SLCO1A2: variants seen among roughly 807,000 people sequenced by gnomAD.
SLCO1A2 encodes the protein OATP-1.
A neutral mutation model predicts 69.0 loss-of-function variants in SLCO1A2; 67 were observed. The ratio of observed to expected loss-of-function variants is 0.97; its 90% confidence interval spans 0.80 to 1.19. The LOEUF (loss-of-function observed/expected upper bound fraction) is 1.19. SLCO1A2 is among the 50% of genes most tolerant of loss of function. The pLI is 0.00. For missense variants in SLCO1A2, 787 were observed against 793.7 expected (o/e 0.99, Z 0.10); for synonymous variants, 260 against 265.9 (o/e 0.98, Z 0.22).
At chr12:21,315,992 G>A (rs1950816605) in intron 3 of SLCO1A2, among the ~76,000 whole-genome samples, 1 of 152,128 alleles carries the variant, frequency 6.6e-6, no homozygotes, top group Non-Finnish European at 1.5e-5. Context: ...TAAGCTAAGT[G>A]ATATGTTTAT....
chr12:21,371,256 T>G (rs1939768990), intron 2 of SLCO1A2, among the ~76,000 whole-genome samples: 1 of 152,146 alleles, frequency 6.6e-6, no homozygotes, highest in Non-Finnish European at 1.5e-5. Context: ...AAAGCTGCTT[T>G]CCATTGGCCC....
At chr12:21,394,366 TACACAC>T (rs71043268) in intron 1 of SLCO1A2, among the ~76,000 whole-genome samples, 3 of 147,504 alleles carry the variant, frequency 2.0e-5, no homozygotes, top group South Asian at 2.2e-4. Flanking sequence ...ACCACATCTT[TACACAC>T]ACACACACAC....
upstream of SLCO1A2, among the ~76,000 whole-genome samples, chr12:21,418,648 G>T (rs1347018894): frequency 6.6e-6 from 1 of 152,090 alleles, no homozygotes; most frequent in Non-Finnish European, 1.5e-5. Flanking sequence ...CAGTATGATG[G>T]AAACTGCCCC....
upstream of SLCO1A2, among the ~76,000 whole-genome samples, chr12:21,398,136 T>C (rs1941544889): frequency 7.0e-6 from 1 of 142,722 alleles, no homozygotes; most frequent in South Asian, 2.3e-4. Flanking sequence ...GCAAGACTAA[T>C]AAAGAAAAAA....
chr12:21,339,270 T>A (rs557749292), upstream of SLCO1A2, among the ~76,000 whole-genome samples: 1 of 151,884 alleles, frequency 6.6e-6, no homozygotes, highest in Non-Finnish European at 1.5e-5. Flanking sequence ...TTGGGAGAGA[T>A]AGATAGTTAA....
intron 1 of SLCO1A2, chr12:21,378,293 C>T (rs1242505102): frequency 5.6e-6 from 9 of 1,614,158 alleles, no homozygotes; most frequent in Admixed American, 3.3e-5. Flanking sequence ...CAGCGCCTGG[C>T]AAATTTTTTA....
intron 4 of SLCO1A2, 68 bp from the exon 5 acceptor site, chr12:21,307,056 A>G: frequency 9.4e-6 from 10 of 1,067,162 alleles, no homozygotes; most frequent in Non-Finnish European, 1.4e-5. Flanking sequence ...CAATGTGCAG[A>G]TTGTTACCTT....
Position 21,334,833 on chromosome 12 carries a change from C to A in SLCO1A2, c.-69G>T, listed in dbSNP as rs535565051. On this transcript the variant is annotated 5_prime_UTR_variant, in exon 1 of 15. Coordinates refer to ENST00000683939, the MANE Select transcript of SLCO1A2 (RefSeq NM_001386879.1). ...CATTGCATTACAAAAATACCTGGAA[C>A]GCTTTAATACAGATTAGAAAATCAT... 4.1e-6 allele frequency: 2 copies of A among 485,240 alleles called. No individual in the cohort carries two copies. The highest frequency in any genetic ancestry group is 4.1e-5 in the Admixed American group (1 of 24,534). 30.1% of individuals were successfully genotyped at this position (485,240 alleles called of 1,614,324 possible).
At chr12:21,329,334 T>C (rs1952457010) in intron 2 of SLCO1A2, among the ~76,000 whole-genome samples, 1 of 152,142 alleles carries the variant, frequency 6.6e-6, no homozygotes, top group Admixed American at 6.5e-5. Flanking sequence ...GAGGTAACTT[T>C]TGTTGCTCTG....
intron 1 of SLCO1A2, among the ~76,000 whole-genome samples, chr12:21,414,175 T>G (rs1241325091): frequency 6.6e-6 from 1 of 152,150 alleles, no homozygotes; most frequent in Non-Finnish European, 1.5e-5. Flanking sequence ...TTTCCTAGTT[T>G]GTCTGCTTTT....
intron 2 of SLCO1A2, among the ~76,000 whole-genome samples, chr12:21,367,450 T>C (rs1939475073): frequency 6.6e-6 from 1 of 152,070 alleles, no homozygotes; most frequent in Non-Finnish European, 1.5e-5. Flanking sequence ...GGTCAGAGGC[T>C]ATAGGAGAAA....
intron 12 of SLCO1A2, among the ~76,000 whole-genome samples, chr12:21,283,927 TGTAGA>T (rs1193922272): frequency 1.3e-5 from 2 of 152,162 alleles, no homozygotes; most frequent in Non-Finnish European, 2.9e-5. Context: ...CTGGTGAGTA[TGTAGA>T]GTAAAGGGAA....
chr12:21,379,109 C>G (rs1940421456), intron 1 of SLCO1A2: 1 of 152,062 alleles, frequency 6.6e-6, no homozygotes, highest in East Asian at 1.9e-4. Flanking sequence ...TGTAAGTACC[C>G]CTGATAAGCA....
chr12:21,373,810 A>G (rs879753743), intron 2 of SLCO1A2: 2 of 628,198 alleles, frequency 3.2e-6, no homozygotes, highest in Non-Finnish European at 5.7e-6. Flanking sequence ...TTTTATACCA[A>G]GTGGATTCTT....
intron 13 of SLCO1A2, 70 bp from the exon 14 acceptor site, chr12:21,274,656 A>G (rs1338104907): frequency 9.2e-7 from 1 of 1,087,718 alleles, no homozygotes; most frequent in East Asian, 2.4e-5. Context: ...GAAATATTTC[A>G]ATTTTCTTTA....
At chr12:21,381,127 C>A (rs926792662) in intron 1 of SLCO1A2, among the ~76,000 whole-genome samples, 1 of 151,718 alleles carries the variant, frequency 6.6e-6, no homozygotes, top group Non-Finnish European at 1.5e-5. Flanking sequence ...GGTATATGAT[C>A]CCAAAAATAA....
rs1946981382 is a variant in SLCO1A2, at chr12:21,292,239, T to C, written c.1535A>G (p.Tyr512Cys). The change falls in exon 12 of 15, where the codon TAC (tyrosine) becomes TGC (cysteine). Residue 512 changes from tyrosine (Y) to cysteine (C), a missense_variant. By Grantham distance (194) the Tyr-to-Cys change is radical. Coordinates refer to ENST00000683939, the MANE Select transcript of SLCO1A2 (RefSeq NM_001386879.1). ...GCTCATCGCTGACAAGATTAGGAAG[T>C]ACTGGAGCATCAAGGAACAGTCAGG... ...KGPDCSLMLQ[Y>C]FLILSAMSSF... The C allele has an allele frequency of 4.3e-6, 7 of 1,613,238 alleles. No homozygotes were observed. Among genetic ancestry groups the C allele is most frequent in the South Asian group, 1.1e-5 (1 of 91,026 alleles).
chr12:21,405,283 A>G (rs1176449622), intron 1 of SLCO1A2, among the ~76,000 whole-genome samples: 1 of 152,104 alleles, frequency 6.6e-6, no homozygotes, highest in African/African-American at 2.4e-5. Context: ...TGACATTTTA[A>G]TCATGAAATC....
chr12:21,288,482 T>TA (rs752956315), intron 12 of SLCO1A2, among the ~76,000 whole-genome samples: 1 of 151,770 alleles, frequency 6.6e-6, no homozygotes, highest in Non-Finnish European at 1.5e-5. Context: ...CTCATGGAGA[T>TA]AGAGAGCAGA....
Sources: allele counts gnomAD v4.1 joint callset (sites outside exome capture counted in the v4.1 genomes callset), GRCh38; gene constraint gnomAD v4.1.1; transcripts MANE v1.5; gene names NCBI Gene and HGNC (gene_info 2026-07-23, HGNC 2026-07-21).